Variants in TMEM74 observed in about 807,000 individuals in gnomAD.
The protein encoded by TMEM74 is transmembrane protein 74.
A neutral mutation model predicts 18.1 loss-of-function variants in TMEM74; 13 were observed. The observed-to-expected ratio is 0.72, with a 90% CI of 0.47 to 1.14. TMEM74 has a LOEUF of 1.14. Ranked by LOEUF, TMEM74 falls within the 50% of genes most tolerant of loss-of-function variation. The pLI, the probability that TMEM74 is intolerant of heterozygous loss-of-function variation, is 0.00. For missense variants in TMEM74, 372 were observed against 375.9 expected, an observed-to-expected ratio of 0.99 and a Z score of 0.09; for synonymous variants, 159 against 146.6, an observed-to-expected ratio of 1.08 and a Z score of -0.61.
intron 1 of TMEM74, among the ~76,000 whole-genome samples, chr8:108,759,164 T>A (rs1262634732): frequency 6.6e-6 from 1 of 152,018 alleles, no homozygotes; most frequent in Admixed American, 6.6e-5. Flanking sequence ...GGGTATGAGA[T>A]CGAAGAGGGG....
chr8:108,785,588 G>GT (rs1178965026), intron 1 of TMEM74, among the ~76,000 whole-genome samples: 2 of 152,210 alleles, frequency 1.3e-5, no homozygotes, highest in Non-Finnish European at 2.9e-5. Flanking sequence ...CAGTAAGATT[G>GT]TAAGTGTTTA....
intron 1 of TMEM74, among the ~76,000 whole-genome samples, chr8:108,720,458 C>T (rs1034043140): frequency 7.2e-5 from 11 of 152,318 alleles, no homozygotes; most frequent in Middle Eastern, 3.4e-3. Flanking sequence ...TTTTGTTATT[C>T]ACTGGCGTGC....
At chr8:108,708,880 C>T (rs1215068719) in intron 1 of TMEM74, among the ~76,000 whole-genome samples, 1 of 123,372 alleles carries the variant, frequency 8.1e-6, no homozygotes, top group East Asian at 2.8e-4. Flanking sequence ...CTTGAACAGA[C>T]ATTTCTCCAA....
In TMEM74 at chr8:108,780,301, CAATT is replaced by C. The variant is rs1296902770; in HGVS notation, c.*3876_*3879del. On this transcript the variant is annotated 3_prime_UTR_variant, in exon 2 of 2. Transcript: ENST00000297459. ...CATATAGAACACTTTTTTAACTTGA[CAATT>C]AATCCAAGTAAAATTTTGCATACAC... Among the ~76,000 whole-genome samples the C allele has an allele frequency of 7.9e-5, 12 of 152,138 alleles. No homozygotes were observed. Among genetic ancestry groups the C allele is most frequent in the East Asian group, 5.8e-4 (3 of 5,164 alleles).
intron 1 of TMEM74, among the ~76,000 whole-genome samples, chr8:108,660,316 C>A (rs1412114295): frequency 6.6e-6 from 1 of 152,202 alleles, no homozygotes; most frequent in Admixed American, 6.5e-5. Flanking sequence ...GCAGGCCTAT[C>A]TTAAACTTGA....
chr8:108,771,620 A>C lies in TMEM74; in HGVS notation n.119+15856T>G, dbSNP rs528383101. Among the ~76,000 whole-genome samples, 11 of 152,296 alleles carry C rather than the reference A, an allele frequency of 7.2e-5. 1 individual carries two copies. The South Asian group carries it at 2.3e-3, about 32-fold the overall frequency. On this transcript the variant is annotated intron_variant and non_coding_transcript_variant, in intron 1 of 3. Transcript: ENST00000518838. ...TACTTCACTTAATGTTACTTTATAA[A>C]CATTTCTCCAGATTCTTAAGAATCT...
intron 3 of TMEM74, among the ~76,000 whole-genome samples, chr8:108,608,334 A>C (rs1304599467): frequency 6.6e-6 from 1 of 151,486 alleles, no homozygotes; most frequent in African/African-American, 2.4e-5. Context: ...AAAAAAAAAG[A>C]ACTAGACAGT....
chr8:108,618,340 T>C (rs899139202), intron 2 of TMEM74, among the ~76,000 whole-genome samples: 1 of 152,178 alleles, frequency 6.6e-6, no homozygotes, highest in African/African-American at 2.4e-5. Context: ...TTGATGAGTA[T>C]AATTTCCTTG....
intron 2 of TMEM74, among the ~76,000 whole-genome samples, chr8:108,634,798 G>T (rs1812590648): frequency 1.3e-5 from 2 of 152,006 alleles, no homozygotes; most frequent in Non-Finnish European, 2.9e-5. Context: ...AAATGAATCT[G>T]CACAGTAATG....
At chr8:108,684,330 T>C (rs752676948) in intron 1 of TMEM74, among the ~76,000 whole-genome samples, 3 of 152,178 alleles carry the variant, frequency 2.0e-5, no homozygotes, top group Non-Finnish European at 4.4e-5. Flanking sequence ...ATTGTGGTTT[T>C]GATTTGCATT....
intron 1 of TMEM74, among the ~76,000 whole-genome samples, chr8:108,757,117 G>A (rs936982991): frequency 2.3e-4 from 35 of 152,100 alleles, no homozygotes; most frequent in Non-Finnish European, 8.8e-5. Context: ...AAAAGGATTA[G>A]AATATATCCT....
intron 1 of TMEM74, among the ~76,000 whole-genome samples, chr8:108,736,090 CTA>C (rs546965260): frequency 2.6e-5 from 4 of 151,964 alleles, no homozygotes; most frequent in Non-Finnish European, 5.9e-5. Flanking sequence ...TGAAAAATCC[CTA>C]GTTTCTAACC....
At chr8:108,741,946 C>A (rs975214572) in intron 1 of TMEM74, among the ~76,000 whole-genome samples, 2 of 152,146 alleles carry the variant, frequency 1.3e-5, no homozygotes, top group Non-Finnish European at 2.9e-5. Context: ...TACAAATATA[C>A]CATGAAATAC....
intron 1 of TMEM74, among the ~76,000 whole-genome samples, chr8:108,676,760 TC>T (rs1250848579): frequency 6.6e-6 from 1 of 152,118 alleles, no homozygotes; most frequent in Non-Finnish European, 1.5e-5. Flanking sequence ...TCAACGAAAA[TC>T]TCACCTGCAA....
chr8:108,611,861 G>A (rs963382525), intron 2 of TMEM74, among the ~76,000 whole-genome samples: 7 of 152,110 alleles, frequency 4.6e-5, no homozygotes, highest in Admixed American at 3.3e-4. Flanking sequence ...CCAACGACTG[G>A]GTAATTTATA....
intron 2 of TMEM74, among the ~76,000 whole-genome samples, chr8:108,648,131 T>C (rs572054401): frequency 7.2e-5 from 11 of 152,280 alleles, no homozygotes; most frequent in South Asian, 2.1e-4. Flanking sequence ...ATCCAGGTTC[T>C]TACAATGTGA....
intron 2 of TMEM74, among the ~76,000 whole-genome samples, chr8:108,651,437 A>T (rs959024435): frequency 6.6e-6 from 1 of 152,170 alleles, no homozygotes; most frequent in African/African-American, 2.4e-5. Context: ...TCTCTTTAAA[A>T]ATATCTTCTC....
intron 1 of TMEM74, among the ~76,000 whole-genome samples, chr8:108,691,286 T>C (rs1343019475): frequency 2.6e-5 from 4 of 152,122 alleles, no homozygotes; most frequent in Non-Finnish European, 1.5e-5. Context: ...ATGATGAAAG[T>C]CATCTGCAGT....
intron 1 of TMEM74, among the ~76,000 whole-genome samples, chr8:108,761,702 T>C (rs980109366): frequency 5.3e-5 from 8 of 152,204 alleles, no homozygotes; most frequent in Non-Finnish European, 1.0e-4. Flanking sequence ...AATGCTCTTC[T>C]GGGTGGTATA....
Sources: allele counts gnomAD v4.1 joint callset (sites outside exome capture counted in the v4.1 genomes callset), GRCh38; gene constraint gnomAD v4.1.1; transcripts MANE v1.5; gene names NCBI Gene and HGNC (gene_info 2026-07-23, HGNC 2026-07-21).